AP4E1: variants seen among roughly 807,000 people sequenced by gnomAD.
AP4E1 encodes adaptor related protein complex 4 subunit epsilon 1.
A neutral mutation model predicts 128.2 loss-of-function variants in AP4E1; 56 were observed. That is an observed-to-expected ratio of 0.44 (90% CI 0.35 to 0.55). The LOEUF (loss-of-function observed/expected upper bound fraction) is 0.55, where lower values mean the gene tolerates loss of function less well. Ranked by LOEUF, AP4E1 falls within the 20% of genes least tolerant of loss-of-function variation. The probability of loss-of-function intolerance (pLI) is 0.00; values close to 1 mark genes in which losing one functional copy is unlikely to be tolerated. For missense variants in AP4E1, 1,324 were observed against 1,307.7 expected (o/e 1.01, Z -0.19); for synonymous variants, 484 against 473.1 (o/e 1.02, Z -0.30).
intron 3 of AP4E1, among the ~76,000 whole-genome samples, chr15:50,922,441 C>T (rs927553970): frequency 4.6e-5 from 7 of 152,266 alleles, no homozygotes; most frequent in South Asian, 4.1e-4. Flanking sequence ...TCTGCTCCTC[C>T]GACCTCTAGT....
At position 50,951,512 on chromosome 15, in the gene AP4E1, G is replaced by A. The variant is rs1242274471; in HGVS notation, c.1548+1343G>A. ...TCATTACCTTTATGTATTCTTTCTT[G>A]TGCATATAGGTGAGTGTTTCTTTAG... On this transcript the variant is annotated intron_variant, in intron 13 of 20. Transcript: ENST00000261842. 5.9e-5 allele frequency among the ~76,000 whole-genome samples: 9 copies of A among 151,972 alleles called. No individual in the cohort carries two copies. In the South Asian group the frequency reaches 1.5e-3, roughly 25 times the overall value.
chr15:50,932,902 C>T (rs1037999949), intron 7 of AP4E1, among the ~76,000 whole-genome samples: 3 of 152,126 alleles, frequency 2.0e-5, no homozygotes, highest in Non-Finnish European at 2.9e-5. Context: ...GCCAGCCTAT[C>T]CTAACGTGGA....
At chr15:50,986,393 A>C (rs1372771950) in intron 16 of AP4E1, among the ~76,000 whole-genome samples, 3 of 152,164 alleles carry the variant, frequency 2.0e-5, no homozygotes, top group Non-Finnish European at 2.9e-5. Context: ...GCCACTTTTC[A>C]AAGGGAATGC....
intron 15 of AP4E1, among the ~76,000 whole-genome samples, chr15:50,969,744 T>C (rs957120707): frequency 2.0e-5 from 3 of 151,538 alleles, no homozygotes; most frequent in South Asian, 2.1e-4. Flanking sequence ...CTGCAAGCTC[T>C]GCCTCCTGGG....
intron 12 of AP4E1, 46 bp downstream of exon 12, chr15:50,949,984 A>T: frequency 1.3e-6 from 2 of 1,591,988 alleles, no homozygotes; most frequent in Non-Finnish European, 1.7e-6. Flanking sequence ...TTAAAGTTTA[A>T]TGTTTTTATT....
At chr15:50,969,512 A>AATTTT (rs61011194) in intron 15 of AP4E1, among the ~76,000 whole-genome samples, 91,291 of 151,152 alleles carry the variant, frequency 0.6, 27,706 homozygotes, top group Non-Finnish European at 0.63. Flanking sequence ...TTTATTTTTA[A>AATTTT]ATTTTCTTAA....
Position 50,956,537 on chromosome 15 carries a change from G to A in AP4E1, c.1549-1955G>A, listed in dbSNP as rs541284589. Among the ~76,000 whole-genome samples the A allele has an allele frequency of 1.5e-4, 23 of 152,268 alleles. 1 individual carries two copies. The South Asian group carries it at 4.2e-3, about 28-fold the overall frequency. On this transcript the variant is annotated intron_variant, in intron 13 of 20. Transcript: ENST00000261842. ...TTGACTCACAGTTCCACATGGCTGG[G>A]GAGGCCTCAGGAAACTTAAAATCAA...
At chr15:50,983,309 T>G (rs981092214) in intron 15 of AP4E1, among the ~76,000 whole-genome samples, 4 of 152,198 alleles carry the variant, frequency 2.6e-5, no homozygotes, top group Non-Finnish European at 4.4e-5. Context: ...AGAAAGATTG[T>G]CTTTTATTCC....
intron 1 of AP4E1, among the ~76,000 whole-genome samples, chr15:50,911,753 C>CA (rs1479356997): frequency 2.6e-5 from 4 of 152,200 alleles, no homozygotes; most frequent in African/African-American, 7.2e-5. Flanking sequence ...GCTGGGATTA[C>CA]AGGCATGAGC....
chr15:50,959,211 C>CAAAAAA (rs139389680), intron 14 of AP4E1, among the ~76,000 whole-genome samples: 2 of 112,596 alleles, frequency 1.8e-5, no homozygotes, highest in African/African-American at 3.3e-5. Flanking sequence ...AACTCTGTCT[C>CAAAAAA]AAAAAAAAAA....
At chr15:50,926,183 G>T (rs2063767625) in intron 5 of AP4E1, among the ~76,000 whole-genome samples, 1 of 151,998 alleles carries the variant, frequency 6.6e-6, no homozygotes, top group East Asian at 1.9e-4. Context: ...TGTTGCCTAG[G>T]CTGGAGTGCG....
rs1041735979 is a variant in AP4E1, at chr15:50,930,673, A to G, written c.703-132A>G. On this transcript the variant is annotated intron_variant, in intron 6 of 20. Coordinates refer to ENST00000261842, the MANE Select transcript of AP4E1 (RefSeq NM_007347.5). Reference sequence around the variant, plus strand: ...TATCATGGAAGATATTATACATATTAGAGCACTGTTTCATTAAATGTGAAC... The same window carrying G: ...TATCATGGAAGATATTATACATATTGGAGCACTGTTTCATTAAATGTGAAC... 4.0e-5 allele frequency: 36 copies of G among 889,296 alleles called. No individual in the cohort carries two copies. In the South Asian group the frequency reaches 4.3e-4, roughly 11 times the overall value. The allele number at this position is 889,296 out of a possible 1,614,324, so 55.1% of individuals were successfully genotyped here. A position where few individuals can be genotyped will look rare whatever the true frequency, so the allele number is the denominator to read the frequency against.
chr15:50,935,626 A>G (rs534446461), intron 8 of AP4E1, among the ~76,000 whole-genome samples: 2 of 152,212 alleles, frequency 1.3e-5, no homozygotes, highest in Admixed American at 6.5e-5. Context: ...TGTAACTCAA[A>G]TGAGAAGTCA....
In AP4E1 at chr15:51,003,962, A is replaced by C. The variant is rs1297576256; in HGVS notation, c.*1300A>C. ...GGATTCTCCAGATCTAATAGATTTC[A>C]TTAGTCATTTGTGTCGAGTATTCCT... On this transcript the variant is annotated 3_prime_UTR_variant, in exon 21 of 21. Coordinates refer to ENST00000261842, the MANE Select transcript of AP4E1 (RefSeq NM_007347.5). 6.6e-6 allele frequency: 1 copy of C among 152,364 alleles called. No individual in the cohort carries two copies. Among genetic ancestry groups the C allele is most frequent in the Non-Finnish European group, 1.5e-5 (1 of 68,034 alleles). 9.4% of individuals were successfully genotyped at this position (152,364 alleles called of 1,614,324 possible). A position where few individuals can be genotyped will look rare whatever the true frequency, so the allele number is the denominator to read the frequency against.
At position 51,005,505 on chromosome 15, in the gene AP4E1, T is replaced by TGC. The variant is rs1441605527; in HGVS notation, c.*2843_*2844insGC. The TGC allele has an allele frequency of 6.6e-6, 1 of 152,616 alleles. No homozygotes were observed. The highest frequency in any genetic ancestry group is 1.5e-5 in the Non-Finnish European group (1 of 68,050). 9.5% of individuals were successfully genotyped at this position (152,616 alleles called of 1,614,324 possible). A position where few individuals can be genotyped will look rare whatever the true frequency, so the allele number is the denominator to read the frequency against. On this transcript the variant is annotated 3_prime_UTR_variant, in exon 21 of 21. Coordinates refer to ENST00000261842, the MANE Select transcript of AP4E1 (RefSeq NM_007347.5). ...GAAACTGCAGATGGAAGCTGAGCAG[T>TGC]TACCAACTGCTAATGTGCCAAGTAT...
intron 5 of AP4E1, 61 bp from the exon 6 acceptor site, chr15:50,928,948 T>G (rs1478261257): frequency 6.4e-7 from 1 of 1,553,254 alleles, no homozygotes; most frequent in Non-Finnish European, 8.9e-7. Context: ...GCCTATAATC[T>G]TTCAAAGTAA....
chr15:50,995,416 G>GT (rs2064855237), intron 17 of AP4E1, among the ~76,000 whole-genome samples: 1 of 56,102 alleles, frequency 1.8e-5, no homozygotes, highest in Admixed American at 1.9e-4. Context: ...TTTTTTTTTT[G>GT]AAACAGAGTC....
chr15:50,968,417 A>G, intron 15 of AP4E1, 40 bp downstream of exon 15: 1 of 1,424,758 alleles, frequency 7.0e-7, no homozygotes, highest in Non-Finnish European at 9.8e-7. Context: ...GAGTGTAGGG[A>G]TGTAATTTTT....
At chr15:50,993,313 G>A in intron 16 of AP4E1, 57 bp from the exon 17 acceptor site, 15 of 1,589,918 alleles carry the variant, frequency 9.4e-6, no homozygotes. Context: ...AATGCCTCAA[G>A]AAAGTAACTA....
Sources: gnomAD v4.1 joint callset for allele counts (sites outside exome capture counted in the v4.1 genomes callset) on GRCh38, gnomAD v4.1.1 for gene constraint, MANE v1.5 for transcripts, NCBI Gene and HGNC (gene_info 2026-07-23, HGNC 2026-07-21) for gene names.